Variants in FRMD4A observed in about 807,000 individuals in gnomAD.
The protein encoded by FRMD4A is FERM domain-containing protein 4A.
In FRMD4A, 29 loss-of-function variants were observed where a neutral mutation model predicts 129.1. The ratio of observed to expected loss-of-function variants is 0.22; its 90% CI spans 0.17 to 0.31. The LOEUF is 0.31. FRMD4A is among the 10% of genes least tolerant of loss of function. The pLI is 1.00. For synonymous variants in FRMD4A, 634 were observed against 571.6 expected (o/e 1.11, Z -1.56); for missense variants, 1,272 against 1,375.8 (o/e 0.92, Z 1.19).
intron 19 of FRMD4A, 77 bp from the exon 20 acceptor site, chr10:13,660,630 C>A: frequency 2.4e-6 from 2 of 845,084 alleles, no homozygotes; most frequent in Non-Finnish European, 3.8e-6. Flanking sequence ...CTACACCCCT[C>A]CACCCGCACC....
intron 15 of FRMD4A, among the ~76,000 whole-genome samples, chr10:13,689,340 G>T (rs140473048): frequency 2.0e-5 from 3 of 151,654 alleles, no homozygotes; most frequent in Admixed American, 6.6e-5. Context: ...CCATGATTTG[G>T]GTTTAGATGA....
chr10:14,209,377 A>C (rs1193391781), intron 2 of FRMD4A, among the ~76,000 whole-genome samples: 1 of 152,144 alleles, frequency 6.6e-6, no homozygotes, highest in African/African-American at 2.4e-5. Context: ...AAATCTGTAC[A>C]TGTAGTTAAA....
At chr10:13,659,536 C>T (rs776562804) in intron 20 of FRMD4A, 46 bp from the exon 21 acceptor site, 1 of 1,578,672 alleles carries the variant, frequency 6.3e-7, no homozygotes. Flanking sequence ...ACAGACAGCA[C>T]CTTTCCTGGG....
chr10:14,307,811 G>A (rs1424467206), intron 2 of FRMD4A, among the ~76,000 whole-genome samples: 3 of 152,124 alleles, frequency 2.0e-5, no homozygotes, highest in African/African-American at 7.2e-5. Context: ...AAAGAGCCGC[G>A]AGTTACAGGC....
At chr10:14,070,351 T>G (rs1835262036) in intron 2 of FRMD4A, among the ~76,000 whole-genome samples, 1 of 152,164 alleles carries the variant, frequency 6.6e-6, no homozygotes, top group African/African-American at 2.4e-5. Context: ...TAAGTGACAC[T>G]CCAAAATGAC....
intron 8 of FRMD4A, among the ~76,000 whole-genome samples, chr10:13,759,801 T>C (rs1034385121): frequency 6.6e-6 from 1 of 152,160 alleles, no homozygotes; most frequent in African/African-American, 2.4e-5. Context: ...CAAAGCTACT[T>C]ACAGTCATTA....
At chr10:13,865,059 C>G (rs1373522052) in intron 2 of FRMD4A, among the ~76,000 whole-genome samples, 1 of 151,760 alleles carries the variant, frequency 6.6e-6, no homozygotes, top group African/African-American at 2.4e-5. Context: ...ACTGCAGCCT[C>G]AACCTCCTGG....
intron 14 of FRMD4A, among the ~76,000 whole-genome samples, chr10:13,695,689 C>T (rs1316928067): frequency 2.6e-5 from 4 of 152,198 alleles, no homozygotes; most frequent in African/African-American, 7.2e-5. Flanking sequence ...ACGGACTGGG[C>T]GAGGTTCACC....
intron 2 of FRMD4A, among the ~76,000 whole-genome samples, chr10:14,002,760 G>T (rs2095646971): frequency 6.6e-6 from 1 of 152,138 alleles, no homozygotes; most frequent in Non-Finnish European, 1.5e-5. Context: ...CTCAGACTTG[G>T]GGAAGGGATG....
intron 2 of FRMD4A, among the ~76,000 whole-genome samples, chr10:14,050,636 AC>A (rs757657328): frequency 1.9e-4 from 29 of 151,856 alleles, no homozygotes; most frequent in Non-Finnish European, 2.8e-4. Context: ...CCACTCCCTG[AC>A]CTCCAGGGAG....
chr10:13,952,225 T>C (rs754075784), intron 2 of FRMD4A, among the ~76,000 whole-genome samples: 106 of 151,914 alleles, frequency 7.0e-4, no homozygotes, highest in Non-Finnish European at 1.5e-3. Context: ...TGCCTGGGCG[T>C]GGTGGCTCAT....
At chr10:13,924,932 C>T (rs910246557) in intron 2 of FRMD4A, among the ~76,000 whole-genome samples, 8 of 151,912 alleles carry the variant, frequency 5.3e-5, no homozygotes, top group South Asian at 2.1e-4. Context: ...GGCGTGGTGG[C>T]GGGCGCCTGT....
At chr10:13,689,198 C>CGGGGGGAGGGGGGTGGG (rs1554843961) in intron 15 of FRMD4A, among the ~76,000 whole-genome samples, 1 of 68,028 alleles carries the variant, frequency 1.5e-5, no homozygotes, top group African/African-American at 4.5e-5. Flanking sequence ...AAACTCTTTG[C>CGGGGGGAGGGGGGTGGG]GGGGGGGGGG....
chr10:13,825,981 G>A (rs1471310942), intron 3 of FRMD4A, among the ~76,000 whole-genome samples: 2 of 152,204 alleles, frequency 1.3e-5, no homozygotes, highest in Non-Finnish European at 2.9e-5. Context: ...ATGGAATCTG[G>A]GTGGTGAATT....
intron 2 of FRMD4A, among the ~76,000 whole-genome samples, chr10:14,308,385 C>G (rs1374012317): frequency 6.6e-6 from 1 of 151,266 alleles, no homozygotes; most frequent in African/African-American, 2.5e-5. Context: ...TGGATACTGA[C>G]TACCAATTTA....
intron 2 of FRMD4A, among the ~76,000 whole-genome samples, chr10:14,163,891 C>T (rs1247959172): frequency 2.6e-5 from 4 of 152,220 alleles, no homozygotes; most frequent in African/African-American, 9.7e-5. Flanking sequence ...TGGCTTGGGG[C>T]CTCTCCGAGG....
At chr10:13,657,785 TGG>T (rs200073491) in intron 21 of FRMD4A, among the ~76,000 whole-genome samples, 1 of 109,020 alleles carries the variant, frequency 9.2e-6, no homozygotes, top group African/African-American at 4.4e-5. Flanking sequence ...TTTCGATTTC[TGG>T]GTTTTTTTTT....
intron 2 of FRMD4A, among the ~76,000 whole-genome samples, chr10:13,982,641 G>A (rs1014983198): frequency 4.6e-5 from 7 of 152,146 alleles, no homozygotes; most frequent in African/African-American, 1.4e-4. Context: ...GGCCTTACTG[G>A]GTCTTCCCAC....
chr10:14,178,499 T>C (rs1841806948), intron 2 of FRMD4A, among the ~76,000 whole-genome samples: 1 of 152,228 alleles, frequency 6.6e-6, no homozygotes, highest in African/African-American at 2.4e-5. Context: ...TAAATACTGA[T>C]GACTGCACCT....
Sources: gnomAD v4.1 joint callset for allele counts (sites outside exome capture counted in the v4.1 genomes callset) on GRCh38, gnomAD v4.1.1 for gene constraint, MANE v1.5 for transcripts, NCBI Gene and HGNC (gene_info 2026-07-23, HGNC 2026-07-21) for gene names.